DERA: variants seen among roughly 807,000 people sequenced by gnomAD.
DERA encodes deoxyribose-phosphate aldolase.
A neutral mutation model predicts 41.1 loss-of-function variants in DERA; 15 were observed. The observed-to-expected ratio is 0.37, with a 90% confidence interval of 0.24 to 0.56. The LOEUF is 0.56. Among genes scored for constraint, DERA ranks in the 20% least tolerant of loss-of-function variants. DERA has a pLI of 0.81. For synonymous variants in DERA, 139 were observed against 137.4 expected (o/e 1.01, Z -0.08); for missense variants, 396 against 403.4 (o/e 0.98, Z 0.16).
At position 15,982,002 on chromosome 12, in the gene DERA, A is replaced by T. The variant is rs981443515; in HGVS notation, c.509-306A>T. On this transcript the variant is annotated intron_variant, in intron 5 of 8. Coordinates refer to ENST00000428559, the MANE Select transcript of DERA (RefSeq NM_015954.4). The surrounding 1 kb of genome is among the most constrained non-coding windows in gnomAD (Gnocchi z 4.0). ...CATTTGTTTTTTGTTGGAAGCAACCATCATATGGACAAGACAGAAATTATT... is the reference window on the plus strand; with the variant it reads ...CATTTGTTTTTTGTTGGAAGCAACCTTCATATGGACAAGACAGAAATTATT... Among the ~76,000 whole-genome samples the T allele has an allele frequency of 6.6e-6, 1 of 152,200 alleles. No homozygotes were observed. The highest frequency in any genetic ancestry group is 2.4e-5 in the African/African-American group (1 of 41,440).
At chr12:16,034,549 T>C (rs968974854) in intron 7 of DERA, among the ~76,000 whole-genome samples, 2 of 152,240 alleles carry the variant, frequency 1.3e-5, no homozygotes, top group African/African-American at 4.8e-5. Flanking sequence ...TCTGTGTATG[T>C]GTTTGCAAAT....
Position 16,036,563 on chromosome 12 carries a change from C to A in DERA, c.901-127C>A. 1 of 1,001,250 alleles carries A rather than the reference C, an allele frequency of 1.0e-6. No homozygotes were observed. The highest frequency in any genetic ancestry group is 1.5e-6 in the Non-Finnish European group (1 of 683,516). 62.0% of individuals were successfully genotyped at this position (1,001,250 alleles called of 1,614,324 possible). A position where few individuals can be genotyped will look rare whatever the true frequency, so the allele number is the denominator to read the frequency against. ...GAGTAGGGTGGAGATTCTGCTGAAGCACATACTAGTGAGGCTTTCTAATGA... is the reference window on the plus strand; with the variant it reads ...GAGTAGGGTGGAGATTCTGCTGAAGAACATACTAGTGAGGCTTTCTAATGA... On this transcript the variant is annotated intron_variant, in intron 8 of 8. Coordinates refer to ENST00000428559, the MANE Select transcript of DERA (RefSeq NM_015954.4). The surrounding 1 kb of genome is among the most constrained non-coding windows in gnomAD (Gnocchi z 4.9).
intron 1 of DERA, among the ~76,000 whole-genome samples, chr12:15,914,394 A>G (rs11056707): frequency 7.6e-6 from 1 of 131,276 alleles, no homozygotes; most frequent in Non-Finnish European, 1.6e-5. Flanking sequence ...CAAAAAAGAT[A>G]AAAAAAAAAA....
rs1348971998 is a variant in DERA at position 15,915,736 on chromosome 12, A to G, written c.31+4322A>G. On this transcript the variant is annotated intron_variant, in intron 1 of 8. Transcript: ENST00000428559. The surrounding 1 kb of genome is among the most constrained non-coding windows in gnomAD (Gnocchi z 4.8). ...ATAGTGTCAACACAGAGCTCTAGCT[A>G]CTTGTAAGGCACTATGCTGAATGCT... Among the ~76,000 whole-genome samples, 1 of 152,226 alleles carries G rather than the reference A, an allele frequency of 6.6e-6. No individual in the cohort carries two copies. Among genetic ancestry groups the G allele is most frequent in the Non-Finnish European group, 1.5e-5 (1 of 68,044 alleles).
At position 16,020,412 on chromosome 12, in the gene DERA, A is replaced by G. The variant is rs940426162; in HGVS notation, c.638-12130A>G. On this transcript the variant is annotated intron_variant, in intron 6 of 8. Transcript: ENST00000428559. The surrounding 1 kb of genome is among the most constrained non-coding windows in gnomAD (Gnocchi z 5.5). ...CTCTTCCTACCAGAGACACCTGAAC[A>G]TTGGGGTGGGGGTTACAATTTGACA... Among the ~76,000 whole-genome samples, 1 of 152,168 alleles carries G rather than the reference A, an allele frequency of 6.6e-6. No individual in the cohort carries two copies. Among genetic ancestry groups the G allele is most frequent in the East Asian group, 1.9e-4 (1 of 5,180 alleles).
At position 16,036,341 on chromosome 12, in the gene DERA, G is replaced by C. The variant is rs376413295; in HGVS notation, c.860G>C (p.Arg287Pro). 1.7e-5 allele frequency: 27 copies of C among 1,613,308 alleles called. No individual in the cohort carries two copies. Among genetic ancestry groups the C allele is most frequent in the Non-Finnish European group, 1.9e-5 (23 of 1,179,640 alleles). Residue 287 changes from arginine to proline, a missense_variant, in exon 8 of 9, where the codon CGA (arginine) becomes CCA (proline). By Grantham distance (103) the Arg-to-Pro change is moderately radical. Transcript: ENST00000428559. The surrounding 1 kb of genome is among the most constrained non-coding windows in gnomAD (Gnocchi z 4.9). ...GAGTGGCTGAAGCCAGAACTCTTTC[G>C]AATAGGTGCCAGTACTCTGCTCTCG... is the stretch of plus-strand genomic sequence containing the variant. ...GDEWLKPELF[R>P]IGASTLLSDI...
rs1948831997 is a variant in DERA, at chr12:15,995,654, G to A, written c.637+13218G>A. ...AGCTGAAGGCAGTCTGAAAATGAAG[G>A]AATAGAGTAGGGAGGATGGAGGGGT... On this transcript the variant is annotated intron_variant, in intron 6 of 8. Coordinates refer to ENST00000428559, the MANE Select transcript of DERA (RefSeq NM_015954.4). The surrounding 1 kb of genome is among the most constrained non-coding windows in gnomAD (Gnocchi z 5.1). Among the ~76,000 whole-genome samples the A allele has an allele frequency of 6.6e-6, 1 of 152,174 alleles. No individual in the cohort carries two copies. The highest frequency in any genetic ancestry group is 1.5e-5 in the Non-Finnish European group (1 of 68,022).
rs1056945670 is a variant in DERA, at chr12:15,954,529, G to A, written c.32-2407G>A. Among the ~76,000 whole-genome samples, 1 of 152,182 alleles carries A rather than the reference G, an allele frequency of 6.6e-6. No homozygotes were observed. The highest frequency in any genetic ancestry group is 1.5e-5 in the Non-Finnish European group (1 of 68,026). On this transcript the variant is annotated intron_variant, in intron 1 of 8. Transcript: ENST00000428559. This position sits in a 1 kb window ranked among gnomAD's most constrained non-coding sequence, Gnocchi z 4.0. ...GTTCACTGTTCGCAAAGCAGGGAGG[G>A]CATTCTTGGTAGAAGGAGCTTGCAG...
At position 16,010,495 on chromosome 12, in the gene DERA, A is replaced by G. The variant is rs1948940085; in HGVS notation, c.638-22047A>G. On this transcript the variant is annotated intron_variant, in intron 6 of 8. Transcript: ENST00000428559. This position sits in a 1 kb window ranked among gnomAD's most constrained non-coding sequence, Gnocchi z 5.5. ...TTCTGCTGCTTTCCCCTTTGCCAGC[A>G]TATACTGCTTTTGTTGAGGAATCAA... 6.6e-6 allele frequency among the ~76,000 whole-genome samples: 1 copy of G among 151,930 alleles called. No individual in the cohort carries two copies. The highest frequency in any genetic ancestry group is 2.1e-4 in the South Asian group (1 of 4,808).
chr12:16,026,910 C>A lies in DERA; in HGVS notation c.638-5632C>A, dbSNP rs1949057078. On this transcript the variant is annotated intron_variant, in intron 6 of 8. Coordinates refer to ENST00000428559, the MANE Select transcript of DERA (RefSeq NM_015954.4). This position sits in a 1 kb window ranked among gnomAD's most constrained non-coding sequence, Gnocchi z 4.4. ...TGAACATACATATAAAAATCCTTAA[C>A]AAAATATTAGCAAAATGAGTCCAAC... is the stretch of plus-strand genomic sequence containing the variant. 6.6e-6 allele frequency among the ~76,000 whole-genome samples: 1 copy of A among 152,042 alleles called. No individual in the cohort carries two copies. Among genetic ancestry groups the A allele is most frequent in the African/African-American group, 2.4e-5 (1 of 41,414 alleles).
chr12:15,939,183 A>G (rs1039408705), intron 1 of DERA, among the ~76,000 whole-genome samples: 1 of 152,234 alleles, frequency 6.6e-6, no homozygotes, highest in African/African-American at 2.4e-5. Context: ...TTAATGTCCC[A>G]GCAGAGCCCA....
chr12:15,951,208 T>A (rs1314644759), intron 1 of DERA, among the ~76,000 whole-genome samples: 2 of 152,184 alleles, frequency 1.3e-5, no homozygotes, highest in African/African-American at 4.8e-5. Flanking sequence ...CAGAGCAGGC[T>A]CTAAGTAGAG....
rs566097216 is a variant in DERA at position 16,023,723 on chromosome 12, C to T, written c.638-8819C>T. On this transcript the variant is annotated intron_variant, in intron 6 of 8. Transcript: ENST00000428559. The stretch of plus-strand genomic sequence containing the variant: ...CGATCTCCTGACCTCGTGATCCGCC[C>T]GCCTCGGCCTCCCAAAGTGCTGGGA... Among the ~76,000 whole-genome samples, 412 of 151,970 alleles carry T rather than the reference C, an allele frequency of 2.7e-3. 2 individuals are homozygous for T. Among genetic ancestry groups the T allele is most frequent in the African/African-American group, 9.5e-3 (395 of 41,462 alleles).
In DERA at chr12:15,948,069, T is replaced by G. The variant is rs569100534; in HGVS notation, c.32-8867T>G. On this transcript the variant is annotated intron_variant, in intron 1 of 8. Transcript: ENST00000428559. Reference sequence around the variant, plus strand: ...GGCTTGTAGAGTTTCTGCTGAGAGATCAACTGTTTGTCTGATGGGCTTCCC... The same window carrying G: ...GGCTTGTAGAGTTTCTGCTGAGAGAGCAACTGTTTGTCTGATGGGCTTCCC... Among the ~76,000 whole-genome samples, 9 of 152,344 alleles carry G rather than the reference T, an allele frequency of 5.9e-5. No individual in the cohort carries two copies. In the South Asian group the frequency reaches 1.7e-3, roughly 28 times the overall value.
chr12:16,029,894 C>A (rs1333839385), intron 6 of DERA, among the ~76,000 whole-genome samples: 1 of 144,268 alleles, frequency 6.9e-6, no homozygotes, highest in Non-Finnish European at 1.5e-5. Flanking sequence ...GTTTTCAGAC[C>A]TCCAAATGTA....
At chr12:15,997,683 A>G in intron 6 of DERA, among the ~76,000 whole-genome samples, 1 of 152,350 alleles carries the variant, frequency 6.6e-6, no homozygotes, top group African/African-American at 2.4e-5. Flanking sequence ...GGCTCTAAAA[A>G]AATCCATAAA....
At chr12:15,933,616 G>A (rs1030154720) in intron 1 of DERA, among the ~76,000 whole-genome samples, 2 of 152,056 alleles carry the variant, frequency 1.3e-5, no homozygotes, top group African/African-American at 2.4e-5. Flanking sequence ...CTTCATATCG[G>A]TATACCCATG....
At position 16,007,246 on chromosome 12, in the gene DERA, C is replaced by T. The variant is rs562282150; in HGVS notation, c.637+24810C>T. Among the ~76,000 whole-genome samples, 48 of 149,188 alleles carry T rather than the reference C, an allele frequency of 3.2e-4. 1 individual carries two copies. Among genetic ancestry groups the T allele is most frequent in the African/African-American group, 1.1e-3 (43 of 40,452 alleles). ...TTGCGCAGGCTGAAGCGCAGTGGCG[C>T]GATCTTGGCTCACTGCAACCTCCGC... On this transcript the variant is annotated intron_variant, in intron 6 of 8. Transcript: ENST00000428559.
In DERA at chr12:15,924,023, AT is replaced by A. The variant is rs745404303; in HGVS notation, c.31+12611del. 3.3e-5 allele frequency among the ~76,000 whole-genome samples: 5 copies of A among 152,368 alleles called. No homozygotes were observed. The highest frequency in any genetic ancestry group is 6.5e-5 in the Admixed American group (1 of 15,306). ...TCTCAGTCTTTAGTTGAAGAAAATA[AT>A]TGAGTTAGTGAGTAACAGCCAAATA... is the stretch of plus-strand genomic sequence containing the variant. On this transcript the variant is annotated intron_variant, in intron 1 of 8. Transcript: ENST00000428559. This position sits in a 1 kb window ranked among gnomAD's most constrained non-coding sequence, Gnocchi z 5.0.
Sources: allele counts gnomAD v4.1 joint callset (sites outside exome capture counted in the v4.1 genomes callset), GRCh38; gene constraint gnomAD v4.1.1; non-coding constraint Gnocchi (gnomAD v3.1); transcripts MANE v1.5; gene names NCBI Gene and HGNC (gene_info 2026-07-23, HGNC 2026-07-21).